Variants in BBS9 observed in about 807,000 individuals in gnomAD.
The protein encoded by BBS9 is Bardet-Biedl syndrome 9, also known as protein PTHB1.
A neutral mutation model predicts 117.7 loss-of-function variants in BBS9; 89 were observed. The observed-to-expected ratio is 0.76, with a 90% confidence interval of 0.64 to 0.90. The LOEUF is 0.90. BBS9 is among the 40% of genes least tolerant of loss of function. The pLI is 0.00. For missense variants in BBS9, 982 were observed against 1,042.2 expected (o/e 0.94, Z 0.80); for synonymous variants, 379 against 370.9 (o/e 1.02, Z -0.25).
chr7:33,467,019 C>T (rs1259651034), intron 19 of BBS9, among the ~76,000 whole-genome samples: 1 of 104,102 alleles, frequency 9.6e-6, no homozygotes, highest in African/African-American at 4.4e-5. Flanking sequence ...CATTCTCTCT[C>T]TCTCTCTCTC....
At chr7:33,301,307 A>G (rs1806383544) in intron 9 of BBS9, among the ~76,000 whole-genome samples, 1 of 151,998 alleles carries the variant, frequency 6.6e-6, no homozygotes, top group Non-Finnish European at 1.5e-5. Flanking sequence ...ATTTTTAAAT[A>G]TATAATTAAA....
intron 19 of BBS9, among the ~76,000 whole-genome samples, chr7:33,398,823 C>T (rs1828441301): frequency 6.6e-6 from 1 of 152,134 alleles, no homozygotes; most frequent in Non-Finnish European, 1.5e-5. Context: ...ACTGCTGGGA[C>T]TACAGGCACG....
At chr7:33,569,445 G>A (rs1857417695) in intron 21 of BBS9, among the ~76,000 whole-genome samples, 1 of 149,270 alleles carries the variant, frequency 6.7e-6, no homozygotes, top group South Asian at 2.3e-4. Context: ...ATATATATAT[G>A]CAGATATATA....
intron 21 of BBS9, among the ~76,000 whole-genome samples, chr7:33,620,022 C>T (rs1865328536): frequency 6.6e-6 from 1 of 151,766 alleles, no homozygotes; most frequent in Admixed American, 6.6e-5. Context: ...TACATAGAGA[C>T]TAGAAAAATA....
chr7:33,462,326 T>C (rs1839581864), intron 19 of BBS9, among the ~76,000 whole-genome samples: 2 of 152,088 alleles, frequency 1.3e-5, no homozygotes, highest in African/African-American at 2.4e-5. Context: ...ATTTCATTGA[T>C]TGAGGAAATA....
chr7:33,521,819 A>G (rs1471885535), intron 20 of BBS9, among the ~76,000 whole-genome samples: 1 of 151,308 alleles, frequency 6.6e-6, no homozygotes. Context: ...ATATGTATAC[A>G]TGTGCCATGC....
In BBS9 at chr7:33,534,177, G is replaced by A. The variant is rs1310284141; in HGVS notation, c.2521+1G>A. 1 of 1,613,532 alleles carries A rather than the reference G, an allele frequency of 6.2e-7. No homozygotes were observed. The highest frequency in any genetic ancestry group is 8.5e-7 in the Non-Finnish European group (1 of 1,179,558). On this transcript the variant is annotated splice_donor_variant, in intron 21 of 22. Coordinates refer to ENST00000242067, the MANE Select transcript of BBS9 (RefSeq NM_198428.3). LOFTEE classifies it high-confidence loss of function. Reference sequence around the variant, plus strand: ...GCCCCACAGACCATGGTCATGCCAGGTAAGAGCTCTGTCCATGCTCCCTAA... The same window carrying A: ...GCCCCACAGACCATGGTCATGCCAGATAAGAGCTCTGTCCATGCTCCCTAA...
chr7:33,303,517 T>TGGCC, intron 9 of BBS9, among the ~76,000 whole-genome samples: 1 of 66,414 alleles, frequency 1.5e-5, no homozygotes, highest in South Asian at 6.0e-4. Context: ...ACTGAAATGA[T>TGGCC]CCCCTCCCCC....
At chr7:33,460,340 C>T (rs1234516902) in intron 19 of BBS9, among the ~76,000 whole-genome samples, 3 of 152,028 alleles carry the variant, frequency 2.0e-5, no homozygotes, top group Non-Finnish European at 1.5e-5. Flanking sequence ...TTGTTTATTT[C>T]AAAAACTGTC....
intron 5 of BBS9, among the ~76,000 whole-genome samples, chr7:33,180,220 C>G (rs188123044): frequency 6.6e-5 from 10 of 152,272 alleles, no homozygotes; most frequent in Admixed American, 5.9e-4. Flanking sequence ...CCAACCCTAG[C>G]CAATAGGGGA....
intron 20 of BBS9, among the ~76,000 whole-genome samples, chr7:33,515,616 T>C (rs995453980): frequency 1.3e-5 from 2 of 152,242 alleles, no homozygotes; most frequent in Non-Finnish European, 2.9e-5. Flanking sequence ...TGTTTAATGC[T>C]CTCACAATAG....
At chr7:33,205,945 T>C (rs753480912) in intron 5 of BBS9, among the ~76,000 whole-genome samples, 2 of 152,212 alleles carry the variant, frequency 1.3e-5, no homozygotes, top group Admixed American at 1.3e-4. Flanking sequence ...TTATAATGAT[T>C]ATTGTTATCA....
At chr7:33,308,504 G>A (rs1033342384) in intron 9 of BBS9, among the ~76,000 whole-genome samples, 1 of 152,186 alleles carries the variant, frequency 6.6e-6, no homozygotes, top group Non-Finnish European at 1.5e-5. Flanking sequence ...TAAGGTGTCT[G>A]TTCAGAAGAT....
intron 21 of BBS9, among the ~76,000 whole-genome samples, chr7:33,536,244 G>A (rs1029679504): frequency 6.6e-6 from 1 of 152,040 alleles, no homozygotes; most frequent in Non-Finnish European, 1.5e-5. Flanking sequence ...CAGTCGCAAT[G>A]CCTTGCCTTT....
chr7:33,522,544 T>C (rs1379966217), intron 20 of BBS9, among the ~76,000 whole-genome samples: 2 of 152,230 alleles, frequency 1.3e-5, no homozygotes, highest in African/African-American at 4.8e-5. Flanking sequence ...ATAAACGTCT[T>C]CTTTTGAGAA....
chr7:33,564,954 A>G (rs1856625033), intron 21 of BBS9, among the ~76,000 whole-genome samples: 1 of 152,176 alleles, frequency 6.6e-6, no homozygotes, highest in African/African-American at 2.4e-5. Context: ...GGAAATATTT[A>G]TATAATGTAG....
At chr7:33,147,576 C>G (rs1792620186) in intron 2 of BBS9, among the ~76,000 whole-genome samples, 2 of 152,122 alleles carry the variant, frequency 1.3e-5, no homozygotes, top group African/African-American at 4.8e-5. Context: ...CCTGCCTCTG[C>G]CCCCGCTATT....
At chr7:33,213,658 G>A (rs972451574) in intron 5 of BBS9, among the ~76,000 whole-genome samples, 13 of 152,178 alleles carry the variant, frequency 8.5e-5, no homozygotes, top group African/African-American at 2.4e-4. Flanking sequence ...TATTGCTGCC[G>A]GTTATTCAGG....
chr7:33,385,996 G>A (rs12666825), intron 18 of BBS9, among the ~76,000 whole-genome samples: 36,129 of 151,960 alleles, frequency 0.24, 4,467 homozygotes, highest in African/African-American at 0.29. Context: ...TGGGGGGAGC[G>A]GAGAGGGATA....
Sources: gnomAD v4.1 joint callset for allele counts (sites outside exome capture counted in the v4.1 genomes callset) on GRCh38, gnomAD v4.1.1 for gene constraint, MANE v1.5 for transcripts, NCBI Gene and HGNC (gene_info 2026-07-23, HGNC 2026-07-21) for gene names.